Variants in RANBP2 observed in about 807,000 individuals in gnomAD.
The protein encoded by RANBP2 is RAN binding protein 2, also known as E3 SUMO-protein ligase RanBP2.
RANBP2 carries 57 observed loss-of-function variants against 303.6 expected under a neutral mutation model. That is an observed-to-expected ratio of 0.19 (90% CI 0.15 to 0.23). The LOEUF is 0.23. RANBP2 is among the 10% of genes least tolerant of loss of function. RANBP2 has a pLI of 1.00. For missense variants in RANBP2, 3,138 were observed against 3,780.8 expected (o/e 0.83, Z 4.46); for synonymous variants, 1,167 against 1,301.5 (o/e 0.90, Z 2.23).
intron 1 of RANBP2, among the ~76,000 whole-genome samples, chr2:108,728,370 G>A (rs538919745): frequency 5.9e-5 from 9 of 152,148 alleles, no homozygotes; most frequent in Non-Finnish European, 8.8e-5. Flanking sequence ...CATAACTCAC[G>A]GCAGTGTCAA....
rs373002900 is a variant in RANBP2, at chr2:108,772,825, G to A, written c.8114-43G>A. 231 of 1,592,070 alleles carry A rather than the reference G, an allele frequency of 1.5e-4. 1 individual carries two copies. In the African/African-American group the frequency reaches 2.6e-3, roughly 18 times the overall value. On this transcript the variant is annotated intron_variant, in intron 22 of 28. Transcript: ENST00000283195. ...ACTACCATTGTTGTAGAGAAGTTGG[G>A]CTTCATCTAATTTCGTTTGCTTGTG...
chr2:109,696,438 G>A, the RANBP2 span, among the ~76,000 whole-genome samples: 8 of 152,136 alleles, frequency 5.3e-5, no homozygotes, highest in African/African-American at 1.9e-4. Flanking sequence ...TGCCTATTGT[G>A]TCACCTTGGC....
the RANBP2 span, among the ~76,000 whole-genome samples, chr2:109,447,380 G>A: frequency 6.6e-6 from 1 of 152,114 alleles, no homozygotes; most frequent in Non-Finnish European, 1.5e-5. Flanking sequence ...ACTTCCCGTG[G>A]CCTCCAAACG....
At chr2:108,754,014 A>T (rs757938349) in intron 15 of RANBP2, 43 bp downstream of exon 15, 1 of 1,611,274 alleles carries the variant, frequency 6.2e-7, no homozygotes, top group Admixed American at 1.7e-5. Context: ...CTGATAACCC[A>T]CTGGTCAATG....
chr2:109,204,685 G>A, the RANBP2 span, among the ~76,000 whole-genome samples: 4 of 152,222 alleles, frequency 2.6e-5, no homozygotes, highest in Non-Finnish European at 4.4e-5. Context: ...CCCCATTGGA[G>A]AACTGTTCTA....
the RANBP2 span, among the ~76,000 whole-genome samples, chr2:109,217,601 T>A: frequency 4.2e-4 from 64 of 152,348 alleles, no homozygotes; most frequent in East Asian, 0.011. Flanking sequence ...GCATGTGTTA[T>A]AAACAGAATC....
the RANBP2 span, among the ~76,000 whole-genome samples, chr2:109,154,723 G>A: frequency 1.3e-5 from 2 of 152,324 alleles, no homozygotes; most frequent in South Asian, 2.1e-4. Context: ...CAAGGTCTGT[G>A]GGGGGTGATG....
chr2:109,635,292 C>G, the RANBP2 span, among the ~76,000 whole-genome samples: 3 of 152,168 alleles, frequency 2.0e-5, no homozygotes, highest in Non-Finnish European at 4.4e-5. Context: ...AAGTAATTCT[C>G]CTGCCTCAGC....
At chr2:109,333,597 C>T in the RANBP2 span, among the ~76,000 whole-genome samples, 4 of 152,196 alleles carry the variant, frequency 2.6e-5, no homozygotes, top group African/African-American at 9.6e-5. Context: ...GCTACAATGG[C>T]AGAGTTGAAT....
chr2:109,192,173 T>C, the RANBP2 span, among the ~76,000 whole-genome samples: 749 of 152,304 alleles, frequency 4.9e-3, 3 homozygotes, highest in African/African-American at 0.017. Context: ...GTTCTACATA[T>C]GGCACTAACT....
chr2:108,786,848 C>A (rs754921500), downstream of RANBP2: 30 of 1,590,610 alleles, frequency 1.9e-5, no homozygotes, highest in Middle Eastern at 1.7e-4. Context: ...GTCAAGCCAC[C>A]GGGGCAGGAT....
At chr2:109,665,459 A>G in the RANBP2 span, 2 of 151,194 alleles carry the variant, frequency 1.3e-5, no homozygotes, top group Non-Finnish European at 2.9e-5. Context: ...CTCCTGCCTC[A>G]ACCTCCCAAG....
the RANBP2 span, among the ~76,000 whole-genome samples, chr2:109,714,360 G>C: frequency 0.015 from 2,222 of 151,980 alleles, 24 homozygotes; most frequent in Non-Finnish European, 0.023. Context: ...GGAGTGCAGT[G>C]GTGTGATATT....
At chr2:109,539,360 G>A in the RANBP2 span, among the ~76,000 whole-genome samples, 1 of 151,980 alleles carries the variant, frequency 6.6e-6, no homozygotes, top group Non-Finnish European at 1.5e-5. Flanking sequence ...GTAGCCATGT[G>A]ACCACCACAA....
chr2:109,133,175 G>GCACC, the RANBP2 span, among the ~76,000 whole-genome samples: 1 of 152,202 alleles, frequency 6.6e-6, no homozygotes, highest in African/African-American at 2.4e-5. Flanking sequence ...TTCTGTGAGG[G>GCACC]TTACAAGGAA....
chr2:108,904,097 A>T, the RANBP2 span, among the ~76,000 whole-genome samples: 2 of 152,182 alleles, frequency 1.3e-5, no homozygotes, highest in Admixed American at 6.5e-5. Context: ...ATATATTTTT[A>T]AAAACCCTCA....
the RANBP2 span, among the ~76,000 whole-genome samples, chr2:108,869,228 C>A: frequency 1.4e-4 from 22 of 152,110 alleles, no homozygotes. Context: ...CTGTAGCAAC[C>A]CAGCAAATGC....
At chr2:109,449,578 A>G in the RANBP2 span, 2 of 1,472,368 alleles carry the variant, frequency 1.4e-6, no homozygotes, top group Non-Finnish European at 1.8e-6. Flanking sequence ...CATTTGTGCA[A>G]TTGAAGCTAG....
chr2:109,021,504 CAGAG>C, the RANBP2 span, among the ~76,000 whole-genome samples: 6 of 132,828 alleles, frequency 4.5e-5, no homozygotes, highest in South Asian at 7.3e-4. Context: ...GCCTGGGCGA[CAGAG>C]AGAGACTCCG....
Sources: gnomAD v4.1 joint callset for allele counts (sites outside exome capture counted in the v4.1 genomes callset) on GRCh38, gnomAD v4.1.1 for gene constraint, MANE v1.5 for transcripts, NCBI Gene and HGNC (gene_info 2026-07-23, HGNC 2026-07-21) for gene names.